PNKD: variants seen among roughly 807,000 people sequenced by gnomAD.
The protein encoded by PNKD is probable thioesterase PNKD.
In PNKD, 36 loss-of-function variants were observed where a neutral mutation model predicts 45.3. The ratio of observed to expected loss-of-function variants is 0.80; its 90% CI spans 0.61 to 1.05. The LOEUF is 1.05. Ranked by LOEUF, PNKD falls within the 50% of genes least tolerant of loss-of-function variation. PNKD has a pLI of 0.00. For synonymous variants in PNKD, 197 were observed against 210.1 expected, an observed-to-expected ratio of 0.94 and a Z score of 0.54; for missense variants, 511 against 506.6, an observed-to-expected ratio of 1.01 and a Z score of -0.08.
chr2:218,277,554 C>G (rs1691351000), intron 2 of PNKD: 3 of 1,608,966 alleles, frequency 1.9e-6, no homozygotes. Context: ...TCCACCCACG[C>G]AGCTGGCTGC....
At chr2:218,275,637 A>T (rs768237289) in intron 2 of PNKD, 1 of 1,603,362 alleles carries the variant, frequency 6.2e-7, no homozygotes, top group Non-Finnish European at 8.5e-7. Flanking sequence ...AGGATAGGGA[A>T]GCCAGAAGTG....
intron 2 of PNKD, among the ~76,000 whole-genome samples, chr2:218,287,854 T>C (rs537385882): frequency 1.2e-3 from 181 of 152,256 alleles, no homozygotes; most frequent in African/African-American, 4.1e-3. Flanking sequence ...GAGGCTGTCC[T>C]GGGGATCACG....
chr2:218,316,241 G>C (rs978336023), intron 2 of PNKD, among the ~76,000 whole-genome samples: 8 of 150,268 alleles, frequency 5.3e-5, no homozygotes, highest in African/African-American at 2.0e-4. Context: ...ATGGCACAAG[G>C]TCAAGGGAAG....
chr2:218,272,834 C>G, intron 2 of PNKD: 2 of 1,611,294 alleles, frequency 1.2e-6, no homozygotes, highest in Non-Finnish European at 1.7e-6. Context: ...GTTCGTGCCT[C>G]TGAGGTCCAC....
At chr2:218,303,812 G>A (rs1693336771) in intron 2 of PNKD, among the ~76,000 whole-genome samples, 2 of 151,902 alleles carry the variant, frequency 1.3e-5, no homozygotes, top group Non-Finnish European at 2.9e-5. Context: ...CTGACCTCAT[G>A]ATCCACCTGC....
intron 2 of PNKD, among the ~76,000 whole-genome samples, chr2:218,335,046 G>A (rs937814414): frequency 5.3e-5 from 8 of 151,878 alleles, no homozygotes. Flanking sequence ...CAGCTACTCG[G>A]GATACTGAGG....
In PNKD at chr2:218,270,569, G is replaced by A. The variant is rs754755605; in HGVS notation, c.34G>A (p.Gly12Ser). The change falls in exon 1 of 10, where the codon GGC becomes AGC. Residue 12 changes from glycine (G) to serine (S), a missense_variant. Transcript: ENST00000273077. ...AAVVAATALK[G>S]RGARNARVLR... is the part of the protein sequence containing the mutation. ...GGTGGTAGCTGCTACGGCGCTGAAG[G>A]GCCGGGGGGCGAGAAATGCCCGCGT... The A allele has an allele frequency of 1.7e-6, 2 of 1,203,350 alleles. No homozygotes were observed. Among genetic ancestry groups the A allele is most frequent in the Non-Finnish European group, 2.1e-6 (2 of 931,942 alleles). 74.5% of individuals were successfully genotyped at this position (1,203,350 alleles called of 1,614,324 possible).
intron 2 of PNKD, among the ~76,000 whole-genome samples, chr2:218,325,794 A>T (rs989314038): frequency 1.3e-5 from 2 of 152,140 alleles, no homozygotes; most frequent in African/African-American, 4.8e-5. Context: ...TAATCATTGG[A>T]GAGCTTCTTC....
intron 2 of PNKD, among the ~76,000 whole-genome samples, chr2:218,325,312 A>G (rs546681482): frequency 1.4e-5 from 2 of 147,828 alleles, no homozygotes; most frequent in South Asian, 4.3e-4. Context: ...GGTTCAAGCA[A>G]TTCTCCTGCC....
At position 218,344,551 on chromosome 2, in the gene PNKD, G is replaced by A. The variant is rs756826546; in HGVS notation, c.965G>A (p.Arg322Gln). ...AAGATGCAGTGGGTGCAGCGGCAGC[G>A]GCTGGAGCGCAAGGGCACGGTGAGG... ...ERKMQWVQRQ[R>Q]LERKGTCPST... is the part of the protein sequence containing the mutation. Residue 322 changes from arginine (R) to glutamine (Q), a missense_variant, in exon 9 of 10, where the codon CGG becomes CAG. Physicochemically the swap from Arg to Gln is conservative, Grantham distance 43. Transcript: ENST00000273077. 1.0e-5 allele frequency: 16 copies of A among 1,588,908 alleles called. No individual in the cohort carries two copies. The highest frequency in any genetic ancestry group is 2.3e-5 in the East Asian group (1 of 43,594).
chr2:218,299,509 G>C (rs1693221011), intron 2 of PNKD, among the ~76,000 whole-genome samples: 1 of 152,084 alleles, frequency 6.6e-6, no homozygotes, highest in South Asian at 2.1e-4. Flanking sequence ...CAGCGAAGCA[G>C]TCATGGCTCT....
At chr2:218,278,409 G>A in intron 2 of PNKD, 1 of 1,182,776 alleles carries the variant, frequency 8.5e-7, no homozygotes, top group East Asian at 2.4e-5. Flanking sequence ...CTCATTTCTT[G>A]TAAGTTTCCA....
At chr2:218,317,385 C>G (rs2106268377) in intron 2 of PNKD, among the ~76,000 whole-genome samples, 1 of 152,286 alleles carries the variant, frequency 6.6e-6, no homozygotes, top group Non-Finnish European at 1.5e-5. Flanking sequence ...ATGAGCCATG[C>G]TTGTTGGAAT....
chr2:218,332,389 G>A (rs967074231), intron 2 of PNKD, among the ~76,000 whole-genome samples: 3 of 152,202 alleles, frequency 2.0e-5, no homozygotes, highest in African/African-American at 7.2e-5. Flanking sequence ...GCAGGATGGG[G>A]AGCTGACCAT....
At chr2:218,328,540 G>A (rs1182532036) in intron 2 of PNKD, among the ~76,000 whole-genome samples, 1 of 152,172 alleles carries the variant, frequency 6.6e-6, no homozygotes, top group Non-Finnish European at 1.5e-5. Flanking sequence ...CCAGAACAGT[G>A]CCTGGCACCT....
chr2:218,325,198 C>CT (rs746439948), intron 2 of PNKD, among the ~76,000 whole-genome samples: 1,578 of 39,750 alleles, frequency 0.04, 308 homozygotes, highest in African/African-American at 0.17. Context: ...CGCACCCGGC[C>CT]TTTTTTTTTT....
intron 9 of PNKD, 83 bp from the exon 10 acceptor site, chr2:218,344,724 TG>T: frequency 6.8e-7 from 1 of 1,470,152 alleles, no homozygotes; most frequent in Non-Finnish European, 9.5e-7. Flanking sequence ...AACTCCAGGA[TG>T]GGGCAGGGGT....
At chr2:218,279,713 C>T (rs751354946) in intron 2 of PNKD, among the ~76,000 whole-genome samples, 3 of 152,216 alleles carry the variant, frequency 2.0e-5, no homozygotes, top group Non-Finnish European at 4.4e-5. Context: ...TCATTTCTGG[C>T]TCCAAGCTGC....
chr2:218,283,327 G>A (rs773424670), intron 2 of PNKD, among the ~76,000 whole-genome samples: 10 of 152,220 alleles, frequency 6.6e-5, no homozygotes, highest in African/African-American at 7.2e-5. Context: ...TAACCAGGAC[G>A]GAGGCCTTCC....
Sources: allele counts gnomAD v4.1 joint callset (sites outside exome capture counted in the v4.1 genomes callset), GRCh38; gene constraint gnomAD v4.1.1; transcripts MANE v1.5; gene names NCBI Gene and HGNC (gene_info 2026-07-23, HGNC 2026-07-21).